PCDHGA5: variants seen among roughly 807,000 people sequenced by gnomAD.
PCDHGA5 encodes the protein protocadherin gamma-A5.
PCDHGA5 carries 36 observed loss-of-function variants against 56.7 expected under a neutral mutation model. The observed-to-expected ratio is 0.64, with a 90% CI of 0.49 to 0.84. The LOEUF (loss-of-function observed/expected upper bound fraction) is 0.84. Among genes scored for constraint, PCDHGA5 ranks in the 40% least tolerant of loss-of-function variants. PCDHGA5 has a pLI of 0.00. For synonymous variants in PCDHGA5, 563 were observed against 520.2 expected (o/e 1.08, Z -1.12); for missense variants, 1,305 against 1,201.5 (o/e 1.09, Z -1.27).
Position 141,399,408 on chromosome 5 carries a change from C to G in PCDHGA5, c.2421+32657C>G, listed in dbSNP as rs373563586. On this transcript the variant is annotated intron_variant, in intron 1 of 3. Coordinates refer to ENST00000518069, the MANE Select transcript of PCDHGA5 (RefSeq NM_018918.3). ...CAGCCACAGACAGGGGCAAGCCGCC[C>G]CTCTCCTCCAGCATAAGCGTCATCC... 20 of 1,613,888 alleles carry G rather than the reference C, an allele frequency of 1.2e-5. No individual in the cohort carries two copies. In the East Asian group the frequency reaches 3.8e-4, roughly 31 times the overall value.
chr5:141,497,512 T>C (rs903352739), intron 2 of PCDHGA5, among the ~76,000 whole-genome samples: 2 of 151,896 alleles, frequency 1.3e-5, no homozygotes, highest in Admixed American at 1.3e-4. Flanking sequence ...TCTGCTTCCT[T>C]AGTTAACTTG....
At chr5:141,433,066 C>A in intron 1 of PCDHGA5, 2 of 1,614,210 alleles carry the variant, frequency 1.2e-6, no homozygotes, top group Non-Finnish European at 1.7e-6. Context: ...GTCACCTGAT[C>A]TTCCCCCAGC....
At position 141,485,184 on chromosome 5, in the gene PCDHGA5, A is replaced by G. The variant is rs1415940980; in HGVS notation, c.2422-9623A>G. ...TAGCGGGCGGCAGCAATGCTCCGCA[A>G]GGTGAGAAGCTGGACAGAAATCTGG... On this transcript the variant is annotated intron_variant, in intron 1 of 3. Transcript: ENST00000518069. This position sits in a 1 kb window ranked among gnomAD's most constrained non-coding sequence, Gnocchi z 5.7. The G allele has an allele frequency of 6.2e-7, 1 of 1,613,152 alleles. No individual in the cohort carries two copies. The highest frequency in any genetic ancestry group is 1.3e-5 in the African/African-American group (1 of 74,938).
intron 1 of PCDHGA5, chr5:141,420,319 G>T (rs1393746531): frequency 7.0e-7 from 1 of 1,437,422 alleles, no homozygotes; most frequent in African/African-American, 1.4e-5. Context: ...ATTACAATAT[G>T]CCAATATATT....
intron 1 of PCDHGA5, among the ~76,000 whole-genome samples, chr5:141,458,408 C>A (rs895785923): frequency 6.6e-6 from 1 of 151,932 alleles, no homozygotes; most frequent in East Asian, 1.9e-4. Flanking sequence ...AGAGACGGAG[C>A]GGGGGTTCCA....
intron 1 of PCDHGA5, among the ~76,000 whole-genome samples, chr5:141,454,371 G>A (rs901551817): frequency 6.6e-6 from 1 of 152,096 alleles, no homozygotes; most frequent in Non-Finnish European, 1.5e-5. Context: ...AAGGAGTATG[G>A]CAACTTGTCA....
intron 1 of PCDHGA5, among the ~76,000 whole-genome samples, chr5:141,458,081 G>GTTT (rs1259527184): frequency 6.6e-6 from 1 of 152,186 alleles, no homozygotes; most frequent in Non-Finnish European, 1.5e-5. Flanking sequence ...CTATATTGCC[G>GTTT]TAAGTTAAGA....
At chr5:141,400,259 T>A (rs2150848027) in intron 1 of PCDHGA5, 2 of 1,614,016 alleles carry the variant, frequency 1.2e-6, no homozygotes, top group Non-Finnish European at 1.7e-6. Flanking sequence ...GCCTTGCGCC[T>A]GCGACGCTCC....
chr5:141,383,615 C>G lies in PCDHGA5; in HGVS notation c.2421+16864C>G, dbSNP rs17097251. 9.9e-6 allele frequency: 16 copies of G among 1,613,694 alleles called. No homozygotes were observed. The Admixed American group carries it at 2.3e-4, about 24-fold the overall frequency. On this transcript the variant is annotated intron_variant, in intron 1 of 3. Coordinates refer to ENST00000518069, the MANE Select transcript of PCDHGA5 (RefSeq NM_018918.3). The stretch of plus-strand genomic sequence containing the variant: ...ACAGTGGTGGATGTGAATGACCACA[C>G]GCCTGTCTTCTCTCTGCCTCAGTAC...
intron 1 of PCDHGA5, chr5:141,428,413 C>A: frequency 2.2e-6 from 1 of 461,904 alleles, no homozygotes; most frequent in Non-Finnish European, 4.0e-6. Context: ...TTGCTTTCAC[C>A]CTGGTCTCTG....
At chr5:141,376,472 T>C (rs1561574117) in intron 1 of PCDHGA5, 1 of 1,614,108 alleles carries the variant, frequency 6.2e-7, no homozygotes, top group Non-Finnish European at 8.5e-7. Context: ...AACTCAGGAT[T>C]TACTTGAAAC....
chr5:141,400,023 C>A (rs755667675), intron 1 of PCDHGA5: 38 of 1,612,754 alleles, frequency 2.4e-5, no homozygotes, highest in Non-Finnish European at 3.2e-5. Flanking sequence ...GCGACAGGGA[C>A]GCGGCCCGCC....
chr5:141,374,250 C>T lies in PCDHGA5; in HGVS notation c.2421+7499C>T, dbSNP rs533179881. The T allele has an allele frequency of 2.5e-6, 4 of 1,613,890 alleles. No homozygotes were observed. The African/African-American group carries it at 5.3e-5, about 22-fold the overall frequency. ...ATCGTCAAGGATCTGGGACTGGAGC[C>T]CCAGGAGTTGGCGGAGCACGGAGTC... On this transcript the variant is annotated intron_variant, in intron 1 of 3. Transcript: ENST00000518069.
chr5:141,422,685 C>G lies in PCDHGA5; in HGVS notation c.2421+55934C>G, dbSNP rs754112462. The G allele has an allele frequency of 2.5e-6, 4 of 1,605,144 alleles. No individual in the cohort carries two copies. The South Asian group carries it at 4.5e-5, about 18-fold the overall frequency. On this transcript the variant is annotated intron_variant, in intron 1 of 3. Coordinates refer to ENST00000518069, the MANE Select transcript of PCDHGA5 (RefSeq NM_018918.3). ...TCGACCCGGACAGCAAACAGAATGCCCTGGTCACTTACTCTCTGACGGATG... is the reference window on the plus strand; with the variant it reads ...TCGACCCGGACAGCAAACAGAATGCGCTGGTCACTTACTCTCTGACGGATG...
At chr5:141,484,672 A>G (rs1253641119) in intron 1 of PCDHGA5, among the ~76,000 whole-genome samples, 1 of 151,990 alleles carries the variant, frequency 6.6e-6, no homozygotes, top group African/African-American at 2.4e-5. Flanking sequence ...AGTGGGCCGC[A>G]GGTTGCTAGG....
At position 141,511,481 on chromosome 5, in the gene PCDHGA5, ACTC is replaced by A. The variant is rs2154594681; in HGVS notation, c.*313_*315del. On this transcript the variant is annotated 3_prime_UTR_variant, in exon 4 of 4. Coordinates refer to ENST00000518069, the MANE Select transcript of PCDHGA5 (RefSeq NM_018918.3). ...CCACACCCCGTTTAGTTACAGCTGAACTCCTCCATCTTCCAAATCAATCAGGCC... is the reference window on the plus strand; with the variant it reads ...CCACACCCCGTTTAGTTACAGCTGAACTCCATCTTCCAAATCAATCAGGCC... 2 of 464,080 alleles carry A rather than the reference ACTC, an allele frequency of 4.3e-6. No individual in the cohort carries two copies. The highest frequency in any genetic ancestry group is 7.7e-6 in the Non-Finnish European group (2 of 260,856). The allele number at this position is 464,080 out of a possible 1,614,324, so 28.7% of individuals were successfully genotyped here.
intron 3 of PCDHGA5, chr5:141,508,127 G>A (rs1220643878): frequency 6.6e-6 from 1 of 152,628 alleles, no homozygotes; most frequent in Non-Finnish European, 1.5e-5. Context: ...ACAGAGGGAG[G>A]TCAGGGAGCT....
At chr5:141,372,146 T>A (rs371379465) in intron 1 of PCDHGA5, 1 of 1,613,620 alleles carries the variant, frequency 6.2e-7, no homozygotes, top group Non-Finnish European at 8.5e-7. Context: ...CTGCAGAGCC[T>A]GGCTACCTGG....
chr5:141,408,897 T>C (rs1156707427), intron 1 of PCDHGA5: 1 of 1,613,118 alleles, frequency 6.2e-7, no homozygotes, highest in East Asian at 2.2e-5. Context: ...GAAATTTCTG[T>C]CAAGGATACC....
Sources: gnomAD v4.1 joint callset for allele counts (sites outside exome capture counted in the v4.1 genomes callset) on GRCh38, gnomAD v4.1.1 for gene constraint, Gnocchi (gnomAD v3.1) non-coding constraint, MANE v1.5 for transcripts, NCBI Gene and HGNC (gene_info 2026-07-23, HGNC 2026-07-21) for gene names.